Variants in CPNE8 observed in about 807,000 individuals in gnomAD.
The protein encoded by CPNE8 is copine-8.
Under a neutral mutation model 81.5 loss-of-function variants are expected in CPNE8, and 45 were observed. The observed-to-expected ratio is 0.55, with a 90% CI of 0.44 to 0.71. The LOEUF (loss-of-function observed/expected upper bound fraction) is 0.71. Ranked by LOEUF, CPNE8 falls within the 30% of genes least tolerant of loss-of-function variation. The pLI is 0.00. For missense variants in CPNE8, 594 were observed against 672.1 expected, an observed-to-expected ratio of 0.88 and a Z score of 1.28; for synonymous variants, 252 against 226.3, an observed-to-expected ratio of 1.11 and a Z score of -1.02.
At chr12:38,759,851 A>G (rs894103312) in intron 10 of CPNE8, among the ~76,000 whole-genome samples, 7 of 152,220 alleles carry the variant, frequency 4.6e-5, no homozygotes, top group African/African-American at 1.7e-4. Context: ...CAACTGAGCA[A>G]CTTTCTGCCA....
At chr12:38,850,109 G>C (rs1289315660) in intron 3 of CPNE8, among the ~76,000 whole-genome samples, 3 of 152,132 alleles carry the variant, frequency 2.0e-5, no homozygotes, top group South Asian at 4.1e-4. Flanking sequence ...GGGGCTGGCA[G>C]TGCTCGCGTA....
chr12:38,662,971 C>G (rs1938992214), intron 19 of CPNE8, among the ~76,000 whole-genome samples: 1 of 151,870 alleles, frequency 6.6e-6, no homozygotes, highest in Non-Finnish European at 1.5e-5. Context: ...TTATCTATCA[C>G]CATAAAAAAA....
chr12:38,788,863 C>CA (rs961757986), intron 6 of CPNE8, among the ~76,000 whole-genome samples: 29 of 150,786 alleles, frequency 1.9e-4, no homozygotes, highest in East Asian at 9.8e-4. Context: ...ACAGTAGCCA[C>CA]AAAAAAAATT....
intron 5 of CPNE8, among the ~76,000 whole-genome samples, chr12:38,838,766 G>A (rs1943423832): frequency 6.6e-6 from 1 of 152,012 alleles, no homozygotes; most frequent in South Asian, 2.1e-4. Flanking sequence ...ACATGATTCT[G>A]CTGTATGCTT....
At chr12:38,901,241 T>G (rs1046094349) in intron 1 of CPNE8, among the ~76,000 whole-genome samples, 5 of 152,130 alleles carry the variant, frequency 3.3e-5, no homozygotes, top group Admixed American at 3.3e-4. Flanking sequence ...ATAGTCAGTA[T>G]TATCACCATT....
chr12:38,754,756 A>T (rs1298642203), intron 10 of CPNE8, among the ~76,000 whole-genome samples: 1 of 152,134 alleles, frequency 6.6e-6, no homozygotes, highest in East Asian at 1.9e-4. Context: ...CTGGAAGACT[A>T]GATATGTCAA....
chr12:38,820,768 G>T (rs1428263570), intron 6 of CPNE8, among the ~76,000 whole-genome samples: 1 of 152,174 alleles, frequency 6.6e-6, no homozygotes, highest in Admixed American at 6.5e-5. Context: ...GAAACTCTGG[G>T]TGAATACTGG....
At chr12:38,756,398 G>A (rs1941460809) in intron 10 of CPNE8, among the ~76,000 whole-genome samples, 1 of 149,548 alleles carries the variant, frequency 6.7e-6, no homozygotes, top group East Asian at 2.0e-4. Context: ...CTGTCACTCA[G>A]GCTAGAAAGC....
intron 6 of CPNE8, among the ~76,000 whole-genome samples, chr12:38,781,708 G>T (rs1328046145): frequency 6.6e-6 from 1 of 151,988 alleles, no homozygotes; most frequent in Admixed American, 6.6e-5. Context: ...AACACCCTTG[G>T]CAAGGTGATC....
At chr12:38,788,120 A>G (rs1942238251) in intron 6 of CPNE8, among the ~76,000 whole-genome samples, 1 of 151,882 alleles carries the variant, frequency 6.6e-6, no homozygotes. Context: ...TACAAGGCCA[A>G]TATTACCCTG....
intron 13 of CPNE8, among the ~76,000 whole-genome samples, chr12:38,717,427 G>GTATATATATA (rs1491219731): frequency 0.12 from 8,089 of 68,648 alleles, 1,216 homozygotes; most frequent in African/African-American, 0.15. Flanking sequence ...AGAAAGTGTG[G>GTATATATATA]TGTATATATA....
At chr12:38,723,340 C>T (rs1940612971) in intron 13 of CPNE8, among the ~76,000 whole-genome samples, 1 of 151,920 alleles carries the variant, frequency 6.6e-6, no homozygotes, top group Non-Finnish European at 1.5e-5. Context: ...GTGGGACCAA[C>T]TAAATGACTA....
chr12:38,848,718 G>A (rs1192920333), intron 3 of CPNE8, 56 bp from the exon 4 acceptor site: 1 of 1,499,256 alleles, frequency 6.7e-7, no homozygotes, highest in African/African-American at 1.5e-5. Context: ...CTTATTACAA[G>A]TATAGTACTT....
At position 38,808,102 on chromosome 12, in the gene CPNE8, A is replaced by G. The variant is rs1267197216; in HGVS notation, c.407+21277T>C. ...GGCAATCATTAAAAAGTCAGGAAAC[A>G]ACAGGTGCTGGAGAGGATGTGGAGA... is the stretch of plus-strand genomic sequence containing the variant. On this transcript the variant is annotated intron_variant, in intron 6 of 19. Coordinates refer to ENST00000331366, the MANE Select transcript of CPNE8 (RefSeq NM_153634.3). 5.3e-5 allele frequency among the ~76,000 whole-genome samples: 8 copies of G among 152,184 alleles called. No homozygotes were observed. The East Asian group carries it at 9.7e-4, about 18-fold the overall frequency.
chr12:38,683,421 T>C (rs1264262614), intron 16 of CPNE8, among the ~76,000 whole-genome samples: 1 of 152,180 alleles, frequency 6.6e-6, no homozygotes, highest in Non-Finnish European at 1.5e-5. Flanking sequence ...ATAGGTATGA[T>C]GCTAAGTACT....
At chr12:38,803,458 C>G (rs952230565) in intron 6 of CPNE8, among the ~76,000 whole-genome samples, 3 of 150,448 alleles carry the variant, frequency 2.0e-5, no homozygotes, top group South Asian at 2.1e-4. Flanking sequence ...AATTCAACAA[C>G]CCTTCATGCT....
chr12:38,863,676 CCTT>C (rs1428228535), intron 3 of CPNE8, among the ~76,000 whole-genome samples: 1 of 152,152 alleles, frequency 6.6e-6, no homozygotes, highest in Non-Finnish European at 1.5e-5. Context: ...ATGTATTTCA[CCTT>C]CATGACAAAA....
At chr12:38,776,397 T>G in intron 6 of CPNE8, 96 bp from the exon 7 acceptor site, 1 of 334,006 alleles carries the variant, frequency 3.0e-6, no homozygotes, top group Non-Finnish European at 5.1e-6. Context: ...TGTACTCTAA[T>G]AAAGAGCATA....
intron 6 of CPNE8, among the ~76,000 whole-genome samples, chr12:38,783,091 A>G (rs191168231): frequency 1.3e-5 from 2 of 152,312 alleles, no homozygotes; most frequent in East Asian, 3.9e-4. Context: ...TTTGAGAGAC[A>G]TAGAATAATA....
Sources: gnomAD v4.1 joint callset for allele counts (sites outside exome capture counted in the v4.1 genomes callset) on GRCh38, gnomAD v4.1.1 for gene constraint, MANE v1.5 for transcripts, NCBI Gene and HGNC (gene_info 2026-07-23, HGNC 2026-07-21) for gene names.